Variants in HS6ST3 observed in about 807,000 individuals in gnomAD.
HS6ST3 encodes the protein heparan sulfate 6-O-sulfotransferase 3.
HS6ST3 carries 12 observed loss-of-function variants against 36.7 expected under a neutral mutation model. The observed-to-expected ratio is 0.33, with a 90% CI of 0.21 to 0.53. The LOEUF (loss-of-function observed/expected upper bound fraction) is 0.53. Among genes scored for constraint, HS6ST3 ranks in the 20% least tolerant of loss-of-function variants. The pLI is 0.95. For synonymous variants in HS6ST3, 240 were observed against 257.5 expected, an observed-to-expected ratio of 0.93 and a Z score of 0.65; for missense variants, 584 against 640.9, an observed-to-expected ratio of 0.91 and a Z score of 0.96.
In HS6ST3 at chr13:96,580,872, C is replaced by T. The variant is rs989725974; in HGVS notation, c.708-251618C>T. Among the ~76,000 whole-genome samples, 6 of 151,868 alleles carry T rather than the reference C, an allele frequency of 4.0e-5. No individual in the cohort carries two copies. In the East Asian group the frequency reaches 1.2e-3, roughly 29 times the overall value. The stretch of plus-strand genomic sequence containing the variant: ...CTTTAACATTTAAATAATCAGCCTT[C>T]CTAAAATGATTGAAAATTGGATCTC... On this transcript the variant is annotated intron_variant, in intron 1 of 1. Transcript: ENST00000376705.
intron 1 of HS6ST3, among the ~76,000 whole-genome samples, chr13:96,517,191 C>T (rs1357400150): frequency 6.8e-6 from 1 of 147,728 alleles, no homozygotes; most frequent in Non-Finnish European, 1.5e-5. Flanking sequence ...CCAACCTGGA[C>T]ACCATAGGGA....
chr13:96,749,219 A>G (rs926790832), intron 1 of HS6ST3, among the ~76,000 whole-genome samples: 1 of 152,142 alleles, frequency 6.6e-6, no homozygotes, highest in East Asian at 1.9e-4. Context: ...CCATAAAGTG[A>G]TAATTTCAAC....
rs1289606531 is a variant in HS6ST3 at position 96,326,339 on chromosome 13, C to A, written c.707+234770C>A. Among the ~76,000 whole-genome samples, 28 of 126,512 alleles carry A rather than the reference C, an allele frequency of 2.2e-4. No individual in the cohort carries two copies. In the East Asian group the frequency reaches 6.9e-3, roughly 31 times the overall value. 83.0% of individuals were successfully genotyped at this position (126,512 alleles called of 152,430 possible). ...CTATCCCTCCCCCCTCCCCCCACCC[C>A]ACAACAGGCCCCAGTGTGTGATGTT... is the stretch of plus-strand genomic sequence containing the variant. On this transcript the variant is annotated intron_variant, in intron 1 of 1. Coordinates refer to ENST00000376705, the MANE Select transcript of HS6ST3 (RefSeq NM_153456.4).
At chr13:96,151,799 T>C (rs918422909) in intron 1 of HS6ST3, among the ~76,000 whole-genome samples, 3 of 152,170 alleles carry the variant, frequency 2.0e-5, no homozygotes, top group Non-Finnish European at 4.4e-5. Flanking sequence ...CTGCAGCACC[T>C]CAGTAAGCCT....
chr13:96,648,622 A>C (rs1006386598), intron 1 of HS6ST3, among the ~76,000 whole-genome samples: 2 of 151,768 alleles, frequency 1.3e-5, no homozygotes, highest in African/African-American at 2.4e-5. Flanking sequence ...TGCATGCATT[A>C]GCTATTTATC....
chr13:96,707,361 C>G (rs1159449579), intron 1 of HS6ST3, among the ~76,000 whole-genome samples: 3 of 152,180 alleles, frequency 2.0e-5, no homozygotes. Flanking sequence ...AGACTTGTAG[C>G]CTTCCTAACT....
At chr13:96,252,329 A>G (rs998062685) in intron 1 of HS6ST3, among the ~76,000 whole-genome samples, 1 of 152,162 alleles carries the variant, frequency 6.6e-6, no homozygotes, top group Non-Finnish European at 1.5e-5. Context: ...CATTTCCTCT[A>G]GTCTTTACTG....
chr13:96,191,859 G>T (rs141960949), intron 1 of HS6ST3, among the ~76,000 whole-genome samples: 1 of 152,186 alleles, frequency 6.6e-6, no homozygotes, highest in Non-Finnish European at 1.5e-5. Flanking sequence ...AAAGCTAGCT[G>T]AATTAAGTAA....
At chr13:96,703,146 G>A (rs187925100) in intron 1 of HS6ST3, among the ~76,000 whole-genome samples, 25 of 152,254 alleles carry the variant, frequency 1.6e-4, no homozygotes, top group African/African-American at 5.3e-4. Context: ...CCTAATACTA[G>A]GCAGAAGAAA....
intron 1 of HS6ST3, among the ~76,000 whole-genome samples, chr13:96,284,914 T>TTG (rs1429214230): frequency 0.17 from 8,486 of 49,978 alleles, 276 homozygotes; most frequent in East Asian, 0.22. Context: ...ATATTTGCTT[T>TTG]CTTTCTTTCT....
At chr13:96,743,521 G>A (rs954817935) in intron 1 of HS6ST3, among the ~76,000 whole-genome samples, 1 of 152,074 alleles carries the variant, frequency 6.6e-6, no homozygotes, top group African/African-American at 2.4e-5. Context: ...CATACTGTGA[G>A]TGAAATCCCA....
At chr13:96,289,971 C>T (rs192341818) in intron 1 of HS6ST3, among the ~76,000 whole-genome samples, 1 of 152,178 alleles carries the variant, frequency 6.6e-6, no homozygotes, top group East Asian at 1.9e-4. Context: ...ATATTTTCTC[C>T]CCATATGACC....
chr13:96,821,870 T>A (rs1878541841), intron 1 of HS6ST3, among the ~76,000 whole-genome samples: 1 of 152,208 alleles, frequency 6.6e-6, no homozygotes, highest in African/African-American at 2.4e-5. Context: ...AAAAAATATA[T>A]ATTCTTGTGA....
rs1877089470 is a variant in HS6ST3, at chr13:96,765,588, T to TC, written c.708-66902_708-66901insC. On this transcript the variant is annotated intron_variant, in intron 1 of 1. Coordinates refer to ENST00000376705, the MANE Select transcript of HS6ST3 (RefSeq NM_153456.4). ...ACAGAGATGTATGCGCTCTCTCTCT[T>TC]TCTCTCTCTCTCTCTCTCTCTCTCT... 1.3e-3 allele frequency among the ~76,000 whole-genome samples: 189 copies of TC among 142,702 alleles called. 1 individual carries two copies. The highest frequency in any genetic ancestry group is 7.7e-3 in the Middle Eastern group (2 of 260). The allele number at this position is 142,702 out of a possible 152,430, so 93.6% of individuals were successfully genotyped here.
At chr13:96,752,156 C>T (rs1244938323) in intron 1 of HS6ST3, among the ~76,000 whole-genome samples, 1 of 152,004 alleles carries the variant, frequency 6.6e-6, no homozygotes. Context: ...AACGGTATCA[C>T]AATCCGTGTA....
chr13:96,484,202 CTT>C (rs1316690421), intron 1 of HS6ST3, among the ~76,000 whole-genome samples: 2 of 151,820 alleles, frequency 1.3e-5, no homozygotes, highest in Non-Finnish European at 2.9e-5. Flanking sequence ...AAGTGTAAAA[CTT>C]AATGTTTTGA....
intron 1 of HS6ST3, among the ~76,000 whole-genome samples, chr13:96,693,957 C>A (rs1052047997): frequency 7.9e-5 from 12 of 152,122 alleles, no homozygotes; most frequent in African/African-American, 2.9e-4. Context: ...CTTGAGCAGT[C>A]ATTTCCTTCT....
At chr13:96,723,518 G>A (rs1230562614) in intron 1 of HS6ST3, among the ~76,000 whole-genome samples, 1 of 152,162 alleles carries the variant, frequency 6.6e-6, no homozygotes, top group Non-Finnish European at 1.5e-5. Flanking sequence ...GAGGTGTCCG[G>A]TGCCTACAGC....
chr13:96,267,364 A>G (rs1319283111), intron 1 of HS6ST3, among the ~76,000 whole-genome samples: 1 of 152,186 alleles, frequency 6.6e-6, no homozygotes, highest in Non-Finnish European at 1.5e-5. Flanking sequence ...TCTTCTTCTA[A>G]TTGTATTTAA....
Sources: gnomAD v4.1 joint callset for allele counts (sites outside exome capture counted in the v4.1 genomes callset) on GRCh38, gnomAD v4.1.1 for gene constraint, MANE v1.5 for transcripts, NCBI Gene and HGNC (gene_info 2026-07-23, HGNC 2026-07-21) for gene names.